Variants in SLC44A5 observed in about 807,000 individuals in gnomAD.
SLC44A5 encodes choline transporter-like protein 5.
Under a neutral mutation model 101.8 loss-of-function variants are expected in SLC44A5, and 57 were observed. The ratio of observed to expected loss-of-function variants is 0.56; its 90% CI spans 0.45 to 0.70. The LOEUF is 0.70. SLC44A5 is among the 30% of genes least tolerant of loss of function. The pLI is 0.00. For missense variants in SLC44A5, 737 were observed against 853.1 expected, an observed-to-expected ratio of 0.86 and a Z score of 1.70; for synonymous variants, 281 against 290.9, an observed-to-expected ratio of 0.97 and a Z score of 0.35.
chr1:75,213,658 G>T, intron 22 of SLC44A5, 47 bp downstream of exon 22: 1 of 1,292,066 alleles, frequency 7.7e-7, no homozygotes, highest in Non-Finnish European at 1.1e-6. Flanking sequence ...CCAGTCTATA[G>T]TATTTTTATT....
the SLC44A5 span, among the ~76,000 whole-genome samples, chr1:75,723,125 T>A: frequency 6.6e-6 from 1 of 152,094 alleles, no homozygotes; most frequent in Non-Finnish European, 1.5e-5. Context: ...AGTACAGAGG[T>A]CCCCTTCCAG....
At chr1:75,348,423 C>T (rs1326027729) in intron 3 of SLC44A5, among the ~76,000 whole-genome samples, 1 of 152,048 alleles carries the variant, frequency 6.6e-6, no homozygotes, top group Non-Finnish European at 1.5e-5. Context: ...AATAGACTGT[C>T]CCTCCATACA....
intron 2 of SLC44A5, among the ~76,000 whole-genome samples, chr1:75,492,913 T>A (rs1221064345): frequency 6.6e-6 from 1 of 152,190 alleles, no homozygotes; most frequent in African/African-American, 2.4e-5. Flanking sequence ...TGGGCAAATG[T>A]CCAAAGTTGG....
intron 2 of SLC44A5, among the ~76,000 whole-genome samples, chr1:75,444,581 T>G (rs1452564182): frequency 7.1e-6 from 1 of 141,726 alleles, no homozygotes; most frequent in Non-Finnish European, 1.5e-5. Flanking sequence ...TTTTGCTTTG[T>G]TTTTTTTTTA....
At position 75,203,450 on chromosome 1, in the gene SLC44A5, A is replaced by C. The variant is rs1020242007; in HGVS notation, c.*277T>G. Reference sequence around the variant, plus strand: ...GATTTAAAAGAATATTAACATATTCAGTAGTATTTTCAAAACATCCAAGCC... The same window carrying C: ...GATTTAAAAGAATATTAACATATTCCGTAGTATTTTCAAAACATCCAAGCC... On this transcript the variant is annotated 3_prime_UTR_variant, in exon 24 of 24. Coordinates refer to ENST00000370859, the MANE Select transcript of SLC44A5 (RefSeq NM_001130058.2). 3 of 252,782 alleles carry C rather than the reference A, an allele frequency of 1.2e-5. No homozygotes were observed. The highest frequency in any genetic ancestry group is 2.2e-5 in the African/African-American group (1 of 45,132). The allele number at this position is 252,782 out of a possible 1,614,324, so 15.7% of individuals were successfully genotyped here. A position where few individuals can be genotyped will look rare whatever the true frequency, so the allele number is the denominator to read the frequency against.
At position 75,218,720 on chromosome 1, in the gene SLC44A5, G is replaced by A. The variant is rs1266653735; in HGVS notation, c.1299C>T (p.Cys433=). The change falls in exon 17 of 24, where the codon TGC becomes TGT. Residue 433 remains cysteine (C), a synonymous_variant. Coordinates refer to ENST00000370859, the MANE Select transcript of SLC44A5 (RefSeq NM_001130058.2). ...IFNTTEIAKA[C]PGALCNFAFY... ...AAGCAAAGTTACACAGAGCCCCAGGGCAAGCTTTGGCAATTTCAGTTGTAT... is the reference window on the plus strand; with the variant it reads ...AAGCAAAGTTACACAGAGCCCCAGGACAAGCTTTGGCAATTTCAGTTGTAT... 1 of 1,612,514 alleles carries A rather than the reference G, an allele frequency of 6.2e-7. No individual in the cohort carries two copies. Among genetic ancestry groups the A allele is most frequent in the East Asian group, 2.2e-5 (1 of 44,784 alleles).
At chr1:75,419,640 A>G (rs1663881254) in intron 2 of SLC44A5, among the ~76,000 whole-genome samples, 1 of 151,930 alleles carries the variant, frequency 6.6e-6, no homozygotes, top group African/African-American at 2.4e-5. Flanking sequence ...GAATCATACC[A>G]GATAGAAAGT....
rs1268791870 is a variant in SLC44A5 at position 75,218,699 on chromosome 1, A to G, written c.1320T>C (p.Phe440=). 9 of 1,613,628 alleles carry G rather than the reference A, an allele frequency of 5.6e-6. No individual in the cohort carries two copies. Among genetic ancestry groups the G allele is most frequent in the Admixed American group, 1.7e-5 (1 of 59,980 alleles). Reference sequence around the variant, plus strand: ...ACAAGCTCTTTCCACCATAGAAAGCAAAGTTACACAGAGCCCCAGGGCAAG... The same window carrying G: ...ACAAGCTCTTTCCACCATAGAAAGCGAAGTTACACAGAGCCCCAGGGCAAG... ...AKACPGALCN[F]AFYGGKSLYH... The change falls in exon 17 of 24, where the codon TTT becomes TTC. Residue 440 remains phenylalanine (F), a synonymous_variant. Transcript: ENST00000370859.
chr1:75,431,842 A>G (rs925568544), intron 2 of SLC44A5, among the ~76,000 whole-genome samples: 6 of 152,162 alleles, frequency 3.9e-5, no homozygotes, highest in Non-Finnish European at 4.4e-5. Context: ...GTAAATGCTC[A>G]AAAGTATAAT....
the SLC44A5 span, among the ~76,000 whole-genome samples, chr1:75,718,515 A>C: frequency 6.6e-6 from 1 of 152,226 alleles, no homozygotes; most frequent in Non-Finnish European, 1.5e-5. Flanking sequence ...TTGACACCTA[A>C]AATACACATG....
intron 2 of SLC44A5, among the ~76,000 whole-genome samples, chr1:75,505,947 A>G (rs1669229384): frequency 6.6e-6 from 1 of 152,158 alleles, no homozygotes; most frequent in African/African-American, 2.4e-5. Context: ...CCAAAATGGC[A>G]TTTCCTAGAA....
intron 4 of SLC44A5, 140 bp from the exon 5 acceptor site, chr1:75,300,825 A>G: frequency 3.9e-6 from 2 of 507,738 alleles, no homozygotes; most frequent in Non-Finnish European, 6.5e-6. Context: ...AATAATTTTG[A>G]AAGGTAGATC....
the SLC44A5 span, among the ~76,000 whole-genome samples, chr1:75,685,632 G>A: frequency 2.0e-5 from 3 of 152,142 alleles, no homozygotes; most frequent in Admixed American, 6.5e-5. Context: ...TAGGCAGTTC[G>A]AAACTTGCTC....
intron 2 of SLC44A5, among the ~76,000 whole-genome samples, chr1:75,473,312 T>C (rs1367323060): frequency 2.0e-5 from 3 of 152,088 alleles, no homozygotes; most frequent in Non-Finnish European, 4.4e-5. Context: ...AAATCAATGC[T>C]GGTTATAAAA....
intron 2 of SLC44A5, among the ~76,000 whole-genome samples, chr1:75,418,172 T>C (rs1663778258): frequency 6.6e-6 from 1 of 152,226 alleles, no homozygotes; most frequent in Admixed American, 6.5e-5. Context: ...TGTGTAATGA[T>C]GCAGAGCATG....
chr1:75,391,077 T>C (rs901824375), intron 3 of SLC44A5, among the ~76,000 whole-genome samples: 1 of 152,002 alleles, frequency 6.6e-6, no homozygotes, highest in Non-Finnish European at 1.5e-5. Flanking sequence ...AAATCAAAAA[T>C]ACAATCCCAT....
At chr1:75,466,065 G>T (rs188840815) in intron 2 of SLC44A5, among the ~76,000 whole-genome samples, 22 of 152,002 alleles carry the variant, frequency 1.4e-4, no homozygotes, top group Admixed American at 1.3e-3. Flanking sequence ...CAGAAAAAGA[G>T]ACATCAAAAA....
At chr1:75,424,413 C>T (rs1664187604) in intron 2 of SLC44A5, among the ~76,000 whole-genome samples, 1 of 152,152 alleles carries the variant, frequency 6.6e-6, no homozygotes, top group Non-Finnish European at 1.5e-5. Flanking sequence ...TCAAGCAATT[C>T]TCCAGCCTCA....
intron 3 of SLC44A5, among the ~76,000 whole-genome samples, chr1:75,394,950 T>C (rs1014958291): frequency 6.6e-6 from 1 of 152,058 alleles, no homozygotes; most frequent in Non-Finnish European, 1.5e-5. Flanking sequence ...TCCTGGGCCA[T>C]GACTCAGCAG....
Sources: gnomAD v4.1 joint callset for allele counts (sites outside exome capture counted in the v4.1 genomes callset) on GRCh38, gnomAD v4.1.1 for gene constraint, MANE v1.5 for transcripts, NCBI Gene and HGNC (gene_info 2026-07-23, HGNC 2026-07-21) for gene names.